Variants in KLHL4 observed in about 807,000 individuals in gnomAD.
KLHL4 encodes kelch-like protein 4.
KLHL4 carries 17 observed loss-of-function variants against 45.8 expected under a neutral mutation model. That is an observed-to-expected ratio of 0.37 (90% confidence interval 0.25 to 0.56). KLHL4 has a LOEUF of 0.56. Among genes scored for constraint, KLHL4 ranks in the 20% least tolerant of loss-of-function variants. The probability of loss-of-function intolerance (pLI) is 0.79; values close to 1 mark genes in which losing one functional copy is unlikely to be tolerated. For synonymous variants in KLHL4, 224 were observed against 189.9 expected, an observed-to-expected ratio of 1.18 and a Z score of -1.47; for missense variants, 544 against 544.9, an observed-to-expected ratio of 1.00 and a Z score of 0.02.
Position 87,614,299 on chromosome X carries a change from C to T in KLHL4, c.591-135C>T. On this transcript the variant is annotated intron_variant, in intron 2 of 10. Coordinates refer to ENST00000373119, the MANE Select transcript of KLHL4 (RefSeq NM_019117.5). ...TATGTATTTGACCTTTCTAACTTCA[C>T]TACATTTAACTGAATTATAAAGATT... 3 of 635,402 alleles carry T rather than the reference C, an allele frequency of 4.7e-6. No individual in the cohort carries two copies. In the South Asian group the frequency reaches 9.0e-5, roughly 19 times the overall value. The allele number at this position is 635,402 out of a possible 1,213,427, so 52.4% of individuals were successfully genotyped here. A position where few individuals can be genotyped will look rare whatever the true frequency, so the allele number is the denominator to read the frequency against.
At chrX:87,642,783 G>T (rs1467613991) in intron 9 of KLHL4, among the ~76,000 whole-genome samples, 1 of 112,126 alleles carries the variant, frequency 8.9e-6, no homozygotes, top group Non-Finnish European at 1.9e-5. Flanking sequence ...ATGTAATTGA[G>T]CAAGTAAAAG....
intron 1 of KLHL4, among the ~76,000 whole-genome samples, chrX:87,540,927 C>T (rs988818825): frequency 1.5e-4 from 17 of 111,518 alleles, no homozygotes; most frequent in African/African-American, 5.5e-4. Context: ...ATTATGACAG[C>T]TATGATATCA....
intron 1 of KLHL4, among the ~76,000 whole-genome samples, chrX:87,608,785 A>C (rs1235187473): frequency 2.7e-5 from 3 of 110,728 alleles, no homozygotes; most frequent in Non-Finnish European, 3.8e-5. Flanking sequence ...ATTATACTTT[A>C]AGTTTTAGGG....
intron 9 of KLHL4, among the ~76,000 whole-genome samples, chrX:87,639,580 A>T (rs748610325): frequency 9.0e-6 from 1 of 111,662 alleles, no homozygotes; most frequent in Admixed American, 9.5e-5. Context: ...ATGCAAGTAC[A>T]TGGAATTTAA....
In KLHL4 at chrX:87,628,301, C is replaced by T. The variant is rs757537657; in HGVS notation, c.1324+2505C>T. 3.7e-5 allele frequency among the ~76,000 whole-genome samples: 4 copies of T among 107,802 alleles called. No homozygotes were observed. The East Asian group carries it at 1.2e-3, about 31-fold the overall frequency. 93.6% of individuals were successfully genotyped at this position (107,802 alleles called of 115,157 possible). ...CAAATATGATGTTCCTTTTTCTACA[C>T]TGCCACTATTACAGACAAAAGAACA... On this transcript the variant is annotated intron_variant, in intron 6 of 10. Transcript: ENST00000373119.
Position 87,535,329 on chromosome X carries a change from A to G in KLHL4, c.422+17014A>G, listed in dbSNP as rs1238534816. ...CTTCTTCCTTCTGATAAAATTATGAATGTTCAATCATCACGATAGCTGAAG... is the reference window on the plus strand; with the variant it reads ...CTTCTTCCTTCTGATAAAATTATGAGTGTTCAATCATCACGATAGCTGAAG... On this transcript the variant is annotated intron_variant, in intron 1 of 10. Coordinates refer to ENST00000373119, the MANE Select transcript of KLHL4 (RefSeq NM_019117.5). Among the ~76,000 whole-genome samples, 3 of 111,710 alleles carry G rather than the reference A, an allele frequency of 2.7e-5. No individual in the cohort carries two copies. In the Admixed American group the frequency reaches 2.9e-4, roughly 11 times the overall value.
intron 9 of KLHL4, among the ~76,000 whole-genome samples, chrX:87,654,489 ATGTG>A (rs59086766): frequency 3.0e-4 from 32 of 106,636 alleles, no homozygotes; most frequent in Admixed American, 1.5e-3. Context: ...GTGTATGTAT[ATGTG>A]TGTGTGTGTG....
chrX:87,558,312 T>G (rs925618295), intron 1 of KLHL4, among the ~76,000 whole-genome samples: 7 of 111,435 alleles, frequency 6.3e-5, no homozygotes, highest in African/African-American at 2.3e-4. Flanking sequence ...GGACGGTACA[T>G]GTACCTATGT....
At chrX:87,547,988 TTCCAATA>T (rs1931721304) in intron 1 of KLHL4, among the ~76,000 whole-genome samples, 1 of 111,578 alleles carries the variant, frequency 9.0e-6, no homozygotes, top group Admixed American at 9.5e-5. Flanking sequence ...GGAGAAAACT[TTCCAATA>T]TCCAAGTATA....
At chrX:87,602,421 T>C (rs1922047694) in intron 1 of KLHL4, among the ~76,000 whole-genome samples, 1 of 111,651 alleles carries the variant, frequency 9.0e-6, no homozygotes, top group Non-Finnish European at 1.9e-5. Flanking sequence ...TCACAGTAAA[T>C]GTCCAATATT....
intron 1 of KLHL4, among the ~76,000 whole-genome samples, chrX:87,529,814 C>A (rs761709758): frequency 3.6e-5 from 4 of 111,637 alleles, no homozygotes; most frequent in East Asian, 5.7e-4. Context: ...CTTGATAAGA[C>A]AATAAAGAGA....
At position 87,518,154 on chromosome X, in the gene KLHL4, C is replaced by G; in HGVS notation, c.261C>G (p.Ala87=). The stretch of plus-strand genomic sequence containing the variant: ...GACCGGCCCCTGCCCATCAGAGAGC[C>G]GTTCAGAATTTGCAGCAACATAATC... ...VPGPAPAHQR[A]VQNLQQHNLI... Residue 87 remains alanine, a synonymous_variant, in exon 1 of 11, where the codon GCC becomes GCG. Transcript: ENST00000373119. 1 of 1,211,761 alleles carries G rather than the reference C, an allele frequency of 8.3e-7. No individual in the cohort carries two copies. Among genetic ancestry groups the G allele is most frequent in the Non-Finnish European group, 1.1e-6 (1 of 895,517 alleles).
At chrX:87,528,932 G>T (rs1244014922) in intron 1 of KLHL4, among the ~76,000 whole-genome samples, 1 of 109,526 alleles carries the variant, frequency 9.1e-6, no homozygotes, top group African/African-American at 3.3e-5. Flanking sequence ...GACAGAGAGA[G>T]AATTCTAAAA....
chrX:87,635,900 T>C (rs1602456221), intron 9 of KLHL4, 125 bp downstream of exon 9: 2 of 455,988 alleles, frequency 4.4e-6, no homozygotes, highest in Non-Finnish European at 7.1e-6. Context: ...GAAAATTAAA[T>C]AGTACAACGG....
At chrX:87,636,859 C>A (rs1452495518) in intron 9 of KLHL4, among the ~76,000 whole-genome samples, 8 of 109,940 alleles carry the variant, frequency 7.3e-5, no homozygotes, top group Non-Finnish European at 1.3e-4. Flanking sequence ...ACATGCCTAA[C>A]CCTGCCCCCA....
intron 1 of KLHL4, among the ~76,000 whole-genome samples, chrX:87,585,946 T>C (rs1354120295): frequency 9.0e-6 from 1 of 111,137 alleles, no homozygotes; most frequent in African/African-American, 3.3e-5. Flanking sequence ...TTCCATGCCT[T>C]TGGAAACCAA....
Position 87,608,899 on chromosome X carries a change from C to G in KLHL4, c.423-4978C>G, listed in dbSNP as rs187872080. On this transcript the variant is annotated intron_variant, in intron 1 of 10. Coordinates refer to ENST00000373119, the MANE Select transcript of KLHL4 (RefSeq NM_019117.5). Reference sequence around the variant, plus strand: ...TTACATTAGGTATTATCTCCCAATGCTATCCCTCCCTGCTCCCCCCACCCC... The same window carrying G: ...TTACATTAGGTATTATCTCCCAATGGTATCCCTCCCTGCTCCCCCCACCCC... 3.6e-5 allele frequency among the ~76,000 whole-genome samples: 4 copies of G among 110,412 alleles called. No individual in the cohort carries two copies. In the East Asian group the frequency reaches 1.1e-3, roughly 32 times the overall value.
At position 87,539,832 on chromosome X, in the gene KLHL4, T is replaced by C. The variant is rs181813803; in HGVS notation, c.422+21517T>C. 9.9e-5 allele frequency among the ~76,000 whole-genome samples: 11 copies of C among 111,560 alleles called. No homozygotes were observed. In the East Asian group the frequency reaches 3.1e-3, roughly 32 times the overall value. On this transcript the variant is annotated intron_variant, in intron 1 of 10. Transcript: ENST00000373119. ...TATCTCCATCTATGAAGAGCCATTT[T>C]CTTATTATAGTCAAGCATCACTTAA...
In KLHL4 at chrX:87,632,336, G is replaced by A; in HGVS notation, c.1451G>A (p.Arg484Lys). The A allele has an allele frequency of 8.3e-7, 1 of 1,210,437 alleles. No homozygotes were observed. The highest frequency in any genetic ancestry group is 1.1e-6 in the Non-Finnish European group (1 of 894,490). The change falls in exon 7 of 11, where the codon AGA becomes AAA. Residue 484 changes from arginine to lysine, a missense_variant. Physicochemically the swap from Arg to Lys is conservative, Grantham distance 26 (BLOSUM62 2). Transcript: ENST00000373119. ...IDNKLYVVGG[R>K]DGLKTLNTVE... ...AATAAGCTCTATGTCGTGGGAGGAA[G>A]AGACGGTTTAAAAACTTTGAATACA...
Sources: gnomAD v4.1 joint callset for allele counts (sites outside exome capture counted in the v4.1 genomes callset) on GRCh38, gnomAD v4.1.1 for gene constraint, MANE v1.5 for transcripts, NCBI Gene and HGNC (gene_info 2026-07-23, HGNC 2026-07-21) for gene names.